CNTN4: variants seen among roughly 807,000 people sequenced by gnomAD.
CNTN4 encodes contactin 4, also known as contactin-4.
In CNTN4, 77 loss-of-function variants were observed where a neutral mutation model predicts 122.5. The ratio of observed to expected loss-of-function variants is 0.63; its 90% confidence interval spans 0.52 to 0.76. The LOEUF is 0.76. Ranked by LOEUF, CNTN4 falls within the 30% of genes least tolerant of loss-of-function variation. The pLI is 0.00. For synonymous variants in CNTN4, 512 were observed against 447.0 expected, an observed-to-expected ratio of 1.15 and a Z score of -1.83; for missense variants, 1,256 against 1,259.1, an observed-to-expected ratio of 1.00 and a Z score of 0.04.
At position 2,736,345 on chromosome 3, in the gene CNTN4, T is replaced by C. The variant is rs2089087687; in HGVS notation, c.182+4T>C. ...GAAATCCAAAACCTCATATCAGGTTTGTTGATGTAAAAGCATGTGTTTCCA... is the reference window on the plus strand; with the variant it reads ...GAAATCCAAAACCTCATATCAGGTTCGTTGATGTAAAAGCATGTGTTTCCA... On this transcript the variant is annotated splice_donor_region_variant and intron_variant, in intron 5 of 24. Transcript: ENST00000418658. 3 of 1,613,252 alleles carry C rather than the reference T, an allele frequency of 1.9e-6. No homozygotes were observed. In the African/African-American group the frequency reaches 4.0e-5, roughly 22 times the overall value.
At chr3:2,211,476 C>T (rs549253908) in intron 2 of CNTN4, among the ~76,000 whole-genome samples, 14 of 152,004 alleles carry the variant, frequency 9.2e-5, no homozygotes, top group Non-Finnish European at 1.9e-4. Context: ...ACTCTATGCC[C>T]CACATTGATT....
At chr3:2,452,921 G>GT (rs1048621953) in intron 3 of CNTN4, among the ~76,000 whole-genome samples, 1 of 151,882 alleles carries the variant, frequency 6.6e-6, no homozygotes, top group Non-Finnish European at 1.5e-5. Flanking sequence ...CTTTTTTTGT[G>GT]TTTTTGTTGT....
chr3:2,508,547 G>C (rs1470104700), intron 3 of CNTN4, among the ~76,000 whole-genome samples: 1 of 152,148 alleles, frequency 6.6e-6, no homozygotes, highest in Non-Finnish European at 1.5e-5. Context: ...TGAATCTTGT[G>C]TAATGGCCAG....
chr3:2,280,639 C>A (rs932545257), intron 2 of CNTN4, among the ~76,000 whole-genome samples: 3 of 152,154 alleles, frequency 2.0e-5, no homozygotes, highest in Non-Finnish European at 4.4e-5. Context: ...GTAGAGAACA[C>A]AGCAAAATAC....
intron 12 of CNTN4, among the ~76,000 whole-genome samples, chr3:2,923,275 T>G (rs1359157295): frequency 6.6e-6 from 1 of 152,198 alleles, no homozygotes; most frequent in Non-Finnish European, 1.5e-5. Context: ...GTAACTCTAT[T>G]TCACAAAATA....
chr3:2,878,973 A>G (rs1275490164), intron 8 of CNTN4, among the ~76,000 whole-genome samples: 2 of 152,220 alleles, frequency 1.3e-5, no homozygotes, highest in Non-Finnish European at 2.9e-5. Context: ...GGTAATAGCT[A>G]AAAGTGGAAG....
At chr3:3,005,989 C>T (rs1052322248) in intron 14 of CNTN4, among the ~76,000 whole-genome samples, 2 of 151,600 alleles carry the variant, frequency 1.3e-5, no homozygotes, top group Non-Finnish European at 2.9e-5. Flanking sequence ...AGGTTCACGC[C>T]ATTCTCGTGC....
chr3:2,508,212 T>G (rs1329578077), intron 3 of CNTN4, among the ~76,000 whole-genome samples: 1 of 152,118 alleles, frequency 6.6e-6, no homozygotes, highest in Non-Finnish European at 1.5e-5. Context: ...GAAAAGAAGG[T>G]TCAATCATTG....
intron 2 of CNTN4, among the ~76,000 whole-genome samples, chr3:2,268,341 C>G (rs2041138314): frequency 6.6e-6 from 1 of 151,826 alleles, no homozygotes; most frequent in Non-Finnish European, 1.5e-5. Context: ...TAAAAATATG[C>G]TTTTCAATAT....
rs1553738317 is a variant in CNTN4, at chr3:3,043,264, G to C, written c.2698+101G>C. On this transcript the variant is annotated intron_variant, in intron 22 of 24. Coordinates refer to ENST00000418658, the MANE Select transcript of CNTN4 (RefSeq NM_175607.3). ...CCAATGATCATTTGCATACTAATTA[G>C]TAGCATGTGGATTCAAATTTCCCTC... 2.0e-5 allele frequency: 23 copies of C among 1,134,298 alleles called. No homozygotes were observed. The South Asian group carries it at 3.0e-4, about 15-fold the overall frequency. The allele number at this position is 1,134,298 out of a possible 1,614,324, so 70.3% of individuals were successfully genotyped here. A position where few individuals can be genotyped will look rare whatever the true frequency, so the allele number is the denominator to read the frequency against.
chr3:2,354,013 A>C (rs1462893865), intron 3 of CNTN4, among the ~76,000 whole-genome samples: 1 of 152,178 alleles, frequency 6.6e-6, no homozygotes, highest in Non-Finnish European at 1.5e-5. Context: ...GTACTTTCCT[A>C]ATCCTTATAA....
At chr3:2,879,749 G>A (rs2093885612) in intron 8 of CNTN4, among the ~76,000 whole-genome samples, 1 of 152,198 alleles carries the variant, frequency 6.6e-6, no homozygotes, top group Admixed American at 6.5e-5. Context: ...TAATGGAAAT[G>A]TTCTAAAACT....
chr3:2,985,868 T>C (rs892513137), intron 13 of CNTN4, among the ~76,000 whole-genome samples: 6 of 151,948 alleles, frequency 3.9e-5, no homozygotes, highest in African/African-American at 1.4e-4. Flanking sequence ...AAAATGATGT[T>C]GTCCAATTTT....
At chr3:2,484,750 T>C (rs1420018665) in intron 3 of CNTN4, among the ~76,000 whole-genome samples, 2 of 152,228 alleles carry the variant, frequency 1.3e-5, no homozygotes, top group African/African-American at 4.8e-5. Context: ...GACAGCGTGC[T>C]GGCAGCCCTC....
At chr3:2,908,102 A>G (rs188507023) in intron 12 of CNTN4, among the ~76,000 whole-genome samples, 11 of 152,070 alleles carry the variant, frequency 7.2e-5, no homozygotes, top group African/African-American at 2.4e-4. Flanking sequence ...GTGCTGTACA[A>G]CTCCCTGGGT....
At chr3:2,925,070 G>T (rs2094460456) in intron 12 of CNTN4, among the ~76,000 whole-genome samples, 1 of 152,132 alleles carries the variant, frequency 6.6e-6, no homozygotes, top group Non-Finnish European at 1.5e-5. Flanking sequence ...AGGGAGATGA[G>T]AATATTCTGT....
At chr3:2,817,226 G>A (rs1355071093) in intron 6 of CNTN4, among the ~76,000 whole-genome samples, 1 of 152,190 alleles carries the variant, frequency 6.6e-6, no homozygotes, top group African/African-American at 2.4e-5. Context: ...GCAATGGACA[G>A]AAGAAACATA....
chr3:2,541,801 G>A (rs2078040853), intron 3 of CNTN4, among the ~76,000 whole-genome samples: 1 of 152,056 alleles, frequency 6.6e-6, no homozygotes, highest in African/African-American at 2.4e-5. Flanking sequence ...CTGTGTTGGA[G>A]GCCTTCTTCA....
chr3:2,822,527 A>G (rs1322644055), intron 7 of CNTN4, among the ~76,000 whole-genome samples: 1 of 152,214 alleles, frequency 6.6e-6, no homozygotes, highest in East Asian at 1.9e-4. Flanking sequence ...TCTCTTTTTA[A>G]TATGGAATCT....
Sources: gnomAD v4.1 joint callset for allele counts (sites outside exome capture counted in the v4.1 genomes callset) on GRCh38, gnomAD v4.1.1 for gene constraint, MANE v1.5 for transcripts, NCBI Gene and HGNC (gene_info 2026-07-23, HGNC 2026-07-21) for gene names.